CRISP1: variants seen among roughly 807,000 people sequenced by gnomAD.
CRISP1 encodes cysteine rich secretory protein 1.
A neutral mutation model predicts 33.1 loss-of-function variants in CRISP1; 44 were observed. That is an observed-to-expected ratio of 1.33 (90% CI 1.05 to 1.71). The LOEUF (loss-of-function observed/expected upper bound fraction) is 1.71, where lower values mean the gene tolerates loss of function less well. Among genes scored for constraint, CRISP1 ranks in the 40% most tolerant of loss-of-function variants. CRISP1 has a pLI of 0.00. For synonymous variants in CRISP1, 103 were observed against 98.7 expected (o/e 1.04, Z -0.26); for missense variants, 390 against 301.2 (o/e 1.29, Z -2.18).
intron 1 of CRISP1, among the ~76,000 whole-genome samples, chr6:49,872,394 C>T (rs1455439134): frequency 6.6e-6 from 1 of 152,002 alleles, no homozygotes; most frequent in African/African-American, 2.4e-5. Context: ...TGCAGAAGCT[C>T]TTTAGTTTAA....
At chr6:49,845,705 G>GT (rs1236992338) in intron 5 of CRISP1, among the ~76,000 whole-genome samples, 21 of 27,780 alleles carry the variant, frequency 7.6e-4, no homozygotes, top group African/African-American at 2.8e-3. Context: ...ATTCACAATA[G>GT]CCAAAAAAAA....
intron 5 of CRISP1, among the ~76,000 whole-genome samples, chr6:49,842,542 A>G (rs1291327929): frequency 6.6e-6 from 1 of 152,178 alleles, no homozygotes; most frequent in Non-Finnish European, 1.5e-5. Context: ...TATTTATACA[A>G]GGCTACAGAA....
intron 1 of CRISP1, among the ~76,000 whole-genome samples, chr6:49,859,544 T>C (rs912181587): frequency 3.3e-5 from 5 of 151,898 alleles, no homozygotes; most frequent in African/African-American, 1.2e-4. Flanking sequence ...TTACCAGTAA[T>C]GCTTAAAGGA....
At chr6:49,861,251 C>T (rs552512312) in intron 1 of CRISP1, among the ~76,000 whole-genome samples, 1 of 152,144 alleles carries the variant, frequency 6.6e-6, no homozygotes, top group South Asian at 2.1e-4. Flanking sequence ...TAAAAGGCTG[C>T]CATTACTCTG....
chr6:49,864,278 A>C (rs1771736553), intron 1 of CRISP1, among the ~76,000 whole-genome samples: 1 of 152,120 alleles, frequency 6.6e-6, no homozygotes, highest in African/African-American at 2.4e-5. Flanking sequence ...TAATTTAATC[A>C]TTCTATTATT....
chr6:49,875,364 G>C (rs1224514524), intron 1 of CRISP1, among the ~76,000 whole-genome samples: 1 of 151,786 alleles, frequency 6.6e-6, no homozygotes, highest in East Asian at 1.9e-4. Context: ...CTTCATCAAG[G>C]AGAACTACAA....
At chr6:49,863,143 C>A (rs564549891) in intron 1 of CRISP1, among the ~76,000 whole-genome samples, 21 of 152,154 alleles carry the variant, frequency 1.4e-4, no homozygotes, top group African/African-American at 5.1e-4. Flanking sequence ...AGATGCAGAC[C>A]TAAAGATTAG....
At chr6:49,835,539 T>G (rs1482082013) in intron 7 of CRISP1, 96 bp from the exon 8 acceptor site, 3 of 1,176,344 alleles carry the variant, frequency 2.6e-6, no homozygotes, top group African/African-American at 1.6e-5. Flanking sequence ...AGAGAAATTT[T>G]TATTAACAAT....
chr6:49,842,896 T>A (rs1336604005), intron 5 of CRISP1, among the ~76,000 whole-genome samples: 2 of 152,210 alleles, frequency 1.3e-5, no homozygotes, highest in Admixed American at 6.5e-5. Context: ...TCTACTGTGT[T>A]AAATTTTAAG....
intron 1 of CRISP1, among the ~76,000 whole-genome samples, chr6:49,871,557 G>A (rs147236131): frequency 0.019 from 1,406 of 75,988 alleles, 27 homozygotes; most frequent in African/African-American, 0.071. Context: ...CCCTCCCCCC[G>A]CCCCACAACA....
chr6:49,846,698 T>C, intron 4 of CRISP1, 30 bp from the exon 5 acceptor site: 1 of 1,603,938 alleles, frequency 6.2e-7, no homozygotes, highest in Non-Finnish European at 8.5e-7. Flanking sequence ...TGGGTCATAC[T>C]CTGAACAAAT....
chr6:49,866,982 A>G (rs1233472396), upstream of CRISP1, among the ~76,000 whole-genome samples: 1 of 152,124 alleles, frequency 6.6e-6, no homozygotes, highest in East Asian at 1.9e-4. Context: ...ATACTTGGAG[A>G]GGCTCTGGGA....
At position 49,834,800 on chromosome 6, in the gene CRISP1, A is replaced by G. The variant is rs1209724152; in HGVS notation, c.*516T>C. 2.5e-4 allele frequency: 38 copies of G among 152,382 alleles called. No individual in the cohort carries two copies. Among genetic ancestry groups the G allele is most frequent in the Admixed American group, 2.4e-3 (37 of 15,276 alleles). 9.4% of individuals were successfully genotyped at this position (152,382 alleles called of 1,614,324 possible). On this transcript the variant is annotated 3_prime_UTR_variant, in exon 8 of 8. Coordinates refer to ENST00000335847, the MANE Select transcript of CRISP1 (RefSeq NM_001131.3). ...ATATAGATGTGTCAATAAAACAATG[A>G]GACATTTAAACTACTTCCAATTAAA... is the stretch of plus-strand genomic sequence containing the variant.
intron 1 of CRISP1, among the ~76,000 whole-genome samples, chr6:49,860,487 T>A (rs904832735): frequency 6.6e-6 from 1 of 152,034 alleles, no homozygotes. Flanking sequence ...CTGTAAAAAA[T>A]GTAGAACTTA....
intron 3 of CRISP1, among the ~76,000 whole-genome samples, chr6:49,848,626 C>T (rs745720209): frequency 2.6e-5 from 4 of 152,090 alleles, no homozygotes; most frequent in Non-Finnish European, 5.9e-5. Context: ...TAAACTCAGA[C>T]ATGTTATTTT....
chr6:49,876,095 C>A (rs1561954020), intron 1 of CRISP1, among the ~76,000 whole-genome samples: 1 of 152,022 alleles, frequency 6.6e-6, no homozygotes, highest in Non-Finnish European at 1.5e-5. Context: ...AAACTATCAT[C>A]AGAGTGAATA....
chr6:49,868,144 G>C (rs966937918), upstream of CRISP1, among the ~76,000 whole-genome samples: 1 of 152,082 alleles, frequency 6.6e-6, no homozygotes, highest in East Asian at 1.9e-4. Flanking sequence ...ATATAGAGTT[G>C]CTATCCAGCT....
At chr6:49,859,082 C>T (rs1405690519) in intron 1 of CRISP1, among the ~76,000 whole-genome samples, 1 of 152,028 alleles carries the variant, frequency 6.6e-6, no homozygotes, top group Non-Finnish European at 1.5e-5. Flanking sequence ...TGGACTTCTG[C>T]TTCCTAGCCA....
Position 49,852,078 on chromosome 6 carries a change from C to A in CRISP1, c.118G>T (p.Val40Leu). ...FNKLVTDLPN[V>L]QEEIVNIHNA... ...TGTATATTAACGATCTCTTCTTGTA[C>A]ATTTGGCAAGTCGGTGACGAGCTTA... The change falls in exon 3 of 8, where the codon GTA (valine) becomes TTA (leucine). Residue 40 changes from valine (V) to leucine (L), a missense_variant. Coordinates refer to ENST00000335847, the MANE Select transcript of CRISP1 (RefSeq NM_001131.3). 11 of 1,613,302 alleles carry A rather than the reference C, an allele frequency of 6.8e-6. No individual in the cohort carries two copies. The highest frequency in any genetic ancestry group is 1.3e-5 in the African/African-American group (1 of 74,968).
Sources: allele counts gnomAD v4.1 joint callset (sites outside exome capture counted in the v4.1 genomes callset), GRCh38; gene constraint gnomAD v4.1.1; transcripts MANE v1.5; gene names NCBI Gene and HGNC (gene_info 2026-07-23, HGNC 2026-07-21).